Variants in CALD1 observed in about 807,000 individuals in gnomAD.
CALD1 encodes caldesmon.
A neutral mutation model predicts 99.9 loss-of-function variants in CALD1; 33 were observed. The observed-to-expected ratio is 0.33, with a 90% CI of 0.25 to 0.44. The LOEUF (loss-of-function observed/expected upper bound fraction) is 0.44. Among genes scored for constraint, CALD1 ranks in the 20% least tolerant of loss-of-function variants. The pLI is 1.00. For missense variants in CALD1, 861 were observed against 962.1 expected, an observed-to-expected ratio of 0.89 and a Z score of 1.39; for synonymous variants, 310 against 325.0, an observed-to-expected ratio of 0.95 and a Z score of 0.50.
chr7:134,830,187 A>G (rs1799164573), intron 1 of CALD1, among the ~76,000 whole-genome samples: 1 of 152,196 alleles, frequency 6.6e-6, no homozygotes, highest in Non-Finnish European at 1.5e-5. Flanking sequence ...CCTAAGCATT[A>G]AATCCACTGT....
At chr7:134,828,132 C>T (rs1399203842) in intron 1 of CALD1, among the ~76,000 whole-genome samples, 1 of 152,186 alleles carries the variant, frequency 6.6e-6, no homozygotes, top group South Asian at 2.1e-4. Flanking sequence ...GTTTGGCAAT[C>T]CTCACTCTGT....
In CALD1 at chr7:134,968,972, T is replaced by G. The variant is rs1032137035; in HGVS notation, c.*627T>G. On this transcript the variant is annotated 3_prime_UTR_variant, in exon 15 of 15. Transcript: ENST00000361675. ...AGTGGTACTGATTTTTTAGGTTGGT[T>G]GTTTTGTGGATTTCTTTAGTAGTGA... 4.6e-5 allele frequency: 8 copies of G among 175,460 alleles called. No homozygotes were observed. Among genetic ancestry groups the G allele is most frequent in the Non-Finnish European group, 1.0e-4 (8 of 79,804 alleles). 10.9% of individuals were successfully genotyped at this position (175,460 alleles called of 1,614,324 possible).
chr7:134,935,496 C>T (rs1038971144), intron 5 of CALD1, among the ~76,000 whole-genome samples, 192 bp from the exon 6 acceptor site: 3 of 152,094 alleles, frequency 2.0e-5, no homozygotes, highest in African/African-American at 2.4e-5. Flanking sequence ...GGCAGGCACA[C>T]GAGAAGATGT....
intron 3 of CALD1, among the ~76,000 whole-genome samples, chr7:134,884,033 C>T (rs568406468): frequency 5.9e-5 from 9 of 151,478 alleles, no homozygotes; most frequent in African/African-American, 1.2e-4. Context: ...ACCTAGGAAG[C>T]GGAGGTTGCA....
the CALD1 span, among the ~76,000 whole-genome samples, chr7:134,728,416 C>A: frequency 9.9e-5 from 15 of 152,266 alleles, no homozygotes; most frequent in African/African-American, 3.6e-4. Flanking sequence ...TACAGCTCAG[C>A]GTTTGCCTTA....
upstream of CALD1, among the ~76,000 whole-genome samples, chr7:134,742,161 T>C (rs1364160787): frequency 6.6e-6 from 1 of 152,268 alleles, no homozygotes; most frequent in African/African-American, 2.4e-5. Flanking sequence ...CAAAAGTCTG[T>C]GCACTGGAAA....
At chr7:134,780,214 T>C (rs1014377686) in intron 1 of CALD1, among the ~76,000 whole-genome samples, 5 of 152,186 alleles carry the variant, frequency 3.3e-5, no homozygotes, top group African/African-American at 1.2e-4. Flanking sequence ...AAGGGAATGA[T>C]TTTTTTAACC....
intron 1 of CALD1, among the ~76,000 whole-genome samples, chr7:134,748,708 T>TCTCCCC (rs1796657534): frequency 7.6e-6 from 1 of 132,276 alleles, no homozygotes; most frequent in Non-Finnish European, 1.6e-5. Context: ...TGAAACTCCA[T>TCTCCCC]CCCCCCGCCC....
At chr7:134,916,305 T>A (rs1194581441) in intron 3 of CALD1, among the ~76,000 whole-genome samples, 1 of 152,046 alleles carries the variant, frequency 6.6e-6, no homozygotes, top group Admixed American at 6.5e-5. Context: ...TATTACAGTT[T>A]CCTGTCTGAA....
intron 1 of CALD1, among the ~76,000 whole-genome samples, chr7:134,781,843 A>G (rs1562997536): frequency 6.6e-6 from 1 of 152,264 alleles, no homozygotes; most frequent in Non-Finnish European, 1.5e-5. Context: ...AAGGAGAACC[A>G]GGCTCAAACT....
At chr7:134,809,338 T>C (rs181169746) in intron 1 of CALD1, among the ~76,000 whole-genome samples, 100 of 152,332 alleles carry the variant, frequency 6.6e-4, no homozygotes, top group African/African-American at 2.1e-3. Flanking sequence ...GAGAACTTCA[T>C]TGTAATACAA....
rs1014873310 is a variant in CALD1, at chr7:134,840,272, A to T, written c.-129-3612A>T. On this transcript the variant is annotated intron_variant, in intron 1 of 14. Transcript: ENST00000361675. The stretch of plus-strand genomic sequence containing the variant: ...CCTTTTTCCATATAGATATTCATTT[A>T]GGTGCGGGATGATGTTACTTTTCTA... Among the ~76,000 whole-genome samples the T allele has an allele frequency of 3.9e-5, 6 of 152,292 alleles. No homozygotes were observed. In the Middle Eastern group the frequency reaches 0.014, roughly 345 times the overall value.
intron 3 of CALD1, among the ~76,000 whole-genome samples, chr7:134,878,273 A>G (rs1403294155): frequency 6.6e-6 from 1 of 152,212 alleles, no homozygotes; most frequent in Non-Finnish European, 1.5e-5. Context: ...TTGTCTTTCT[A>G]AACACACAGG....
At chr7:134,947,464 A>C (rs1354969823) in intron 7 of CALD1, 44 bp from the exon 8 acceptor site, 4 of 1,538,354 alleles carry the variant, frequency 2.6e-6, no homozygotes, top group Non-Finnish European at 3.5e-6. Context: ...GGGAGACTAC[A>C]GGCAAAAGCA....
chr7:134,920,518 G>T (rs1043407792), intron 3 of CALD1: 5 of 1,177,772 alleles, frequency 4.2e-6, no homozygotes, highest in African/African-American at 3.2e-5. Context: ...CTTCTTTGGG[G>T]TGTGGCCTTC....
At chr7:134,741,258 G>A (rs184786704), upstream of CALD1, among the ~76,000 whole-genome samples, 23 of 151,932 alleles carry the variant, frequency 1.5e-4, no homozygotes, top group Non-Finnish European at 2.4e-4. Flanking sequence ...AAGCAAATAC[G>A]TCCTTCTTCA....
chr7:134,789,539 A>G (rs1797439739), intron 1 of CALD1, among the ~76,000 whole-genome samples: 1 of 152,248 alleles, frequency 6.6e-6, no homozygotes, highest in Non-Finnish European at 1.5e-5. Flanking sequence ...TGTAGTTGTC[A>G]CAACTACTAG....
chr7:134,895,576 C>G (rs930045874), intron 3 of CALD1, among the ~76,000 whole-genome samples: 2 of 152,092 alleles, frequency 1.3e-5, no homozygotes, highest in Admixed American at 6.5e-5. Flanking sequence ...ATTAATGCAT[C>G]TGCCTGTCAT....
At chr7:134,813,758 A>G (rs890219270) in intron 1 of CALD1, among the ~76,000 whole-genome samples, 2 of 152,198 alleles carry the variant, frequency 1.3e-5, no homozygotes, top group African/African-American at 4.8e-5. Context: ...CCCAGTTGAC[A>G]TTACTGGTAA....
Sources: gnomAD v4.1 joint callset for allele counts (sites outside exome capture counted in the v4.1 genomes callset) on GRCh38, gnomAD v4.1.1 for gene constraint, MANE v1.5 for transcripts, NCBI Gene and HGNC (gene_info 2026-07-23, HGNC 2026-07-21) for gene names.